Variants in LTBP2 observed in about 807,000 individuals in gnomAD.
LTBP2 encodes latent transforming growth factor beta binding protein 2, also known as latent-transforming growth factor beta-binding protein 2.
In LTBP2, 103 loss-of-function variants were observed where a neutral mutation model predicts 210.6. That is an observed-to-expected ratio of 0.49 (90% CI 0.42 to 0.58). The LOEUF (loss-of-function observed/expected upper bound fraction) is 0.58, where lower values mean the gene tolerates loss of function less well. Among genes scored for constraint, LTBP2 ranks in the 20% least tolerant of loss-of-function variants. The pLI is 0.00. For missense variants in LTBP2, 2,313 were observed against 2,494.5 expected, an observed-to-expected ratio of 0.93 and a Z score of 1.55; for synonymous variants, 1,007 against 1,015.0, an observed-to-expected ratio of 0.99 and a Z score of 0.15.
At chr14:74,575,979 A>C (rs1385554664) in intron 3 of LTBP2, among the ~76,000 whole-genome samples, 1 of 152,206 alleles carries the variant, frequency 6.6e-6, no homozygotes, top group Admixed American at 6.5e-5. Context: ...CTAAGGCCCA[A>C]GAGATGGAAG....
intron 21 of LTBP2, 45 bp downstream of exon 21, chr14:74,509,689 C>G (rs769158875): frequency 8.1e-6 from 13 of 1,613,348 alleles, no homozygotes; most frequent in Admixed American, 1.7e-5. Flanking sequence ...GGAGGTAAGA[C>G]AGCCTATATT....
At chr14:74,510,630 G>C (rs1032394651) in intron 19 of LTBP2, among the ~76,000 whole-genome samples, 1 of 152,226 alleles carries the variant, frequency 6.6e-6, no homozygotes, top group Non-Finnish European at 1.5e-5. Flanking sequence ...GCGGGTGGGC[G>C]GGCAGCGTGG....
At chr14:74,549,413 C>T (rs2087619358) in intron 8 of LTBP2, among the ~76,000 whole-genome samples, 2 of 152,196 alleles carry the variant, frequency 1.3e-5, no homozygotes, top group Non-Finnish European at 2.9e-5. Flanking sequence ...ATGAGGACAT[C>T]TAGGACAGAC....
chr14:74,573,306 C>T (rs975566617), intron 3 of LTBP2, among the ~76,000 whole-genome samples: 5 of 152,226 alleles, frequency 3.3e-5, no homozygotes, highest in African/African-American at 9.7e-5. Flanking sequence ...CTCACAGGGT[C>T]ATGGCAAGGA....
At chr14:74,589,769 C>A (rs1402280944) in intron 2 of LTBP2, among the ~76,000 whole-genome samples, 1 of 152,220 alleles carries the variant, frequency 6.6e-6, no homozygotes, top group Non-Finnish European at 1.5e-5. Context: ...GTGCCCAGGG[C>A]AGGTCTCGGC....
At chr14:74,596,677 C>T (rs986278202) in intron 2 of LTBP2, among the ~76,000 whole-genome samples, 2 of 152,128 alleles carry the variant, frequency 1.3e-5, no homozygotes, top group African/African-American at 2.4e-5. Flanking sequence ...GGCAGGTCCA[C>T]GAGGGACTGA....
At chr14:74,585,119 A>G (rs558274401) in intron 3 of LTBP2, among the ~76,000 whole-genome samples, 6 of 152,358 alleles carry the variant, frequency 3.9e-5, no homozygotes, top group African/African-American at 1.4e-4. Flanking sequence ...CCTGAGCTAG[A>G]AAAAGTCTAG....
At chr14:74,522,410 T>TC (rs569836377) in intron 16 of LTBP2, among the ~76,000 whole-genome samples, 127 of 152,060 alleles carry the variant, frequency 8.4e-4, no homozygotes, top group South Asian at 2.7e-3. Context: ...GCCTCAGACC[T>TC]CCCCCTACGG....
chr14:74,611,731 A>G lies in LTBP2; in HGVS notation c.214T>C (p.Phe72Leu). ...AAAAAKVYSL[F>L]REQDAPVAGL... ...GCGACAGGCGCGTCCTGCTCCCGGA[A>G]CAGACTGTACACCTTGGCTGCAGCC... is the stretch of plus-strand genomic sequence containing the variant. The change falls in exon 1 of 36, where the codon TTC becomes CTC. Residue 72 changes from phenylalanine (F) to leucine (L), a missense_variant. Physicochemically the swap from Phe to Leu is conservative, Grantham distance 22 (BLOSUM62 0). Coordinates refer to ENST00000261978, the MANE Select transcript of LTBP2 (RefSeq NM_000428.3). 2.5e-6 allele frequency: 4 copies of G among 1,601,920 alleles called. No individual in the cohort carries two copies. Among genetic ancestry groups the G allele is most frequent in the Non-Finnish European group, 3.4e-6 (4 of 1,178,314 alleles).
At chr14:74,556,569 T>G (rs1449060760) in intron 3 of LTBP2, among the ~76,000 whole-genome samples, 1 of 152,244 alleles carries the variant, frequency 6.6e-6, no homozygotes, top group Admixed American at 6.5e-5. Context: ...CAAGCTGGAG[T>G]GCAATGGCGC....
intron 2 of LTBP2, among the ~76,000 whole-genome samples, chr14:74,589,865 A>G (rs1198135686): frequency 2.0e-5 from 3 of 152,070 alleles, no homozygotes; most frequent in African/African-American, 7.2e-5. Flanking sequence ...ACAGAGACCC[A>G]AAGCCCGGCG....
At chr14:74,572,310 TGTGTGTGTGTGTGAGAGA>T (rs1275614042) in intron 3 of LTBP2, among the ~76,000 whole-genome samples, 9 of 127,170 alleles carry the variant, frequency 7.1e-5, no homozygotes, top group Admixed American at 8.0e-5. Context: ...TGTGTGTCTG[TGTGTGTGTGTGTGAGAGA>T]GAGAGAGAGA....
At chr14:74,574,302 C>G (rs2088026130) in intron 3 of LTBP2, among the ~76,000 whole-genome samples, 1 of 152,204 alleles carries the variant, frequency 6.6e-6, no homozygotes, top group Admixed American at 6.5e-5. Context: ...ACCCAAACTT[C>G]CGCCATGGTA....
At chr14:74,571,468 C>G (rs776648202) in intron 3 of LTBP2, among the ~76,000 whole-genome samples, 11 of 152,232 alleles carry the variant, frequency 7.2e-5, no homozygotes, top group Non-Finnish European at 1.0e-4. Context: ...GATGAGAACA[C>G]TGAAGCTCAC....
intron 8 of LTBP2, among the ~76,000 whole-genome samples, chr14:74,540,362 A>G (rs1454348385): frequency 6.6e-6 from 1 of 151,966 alleles, no homozygotes; most frequent in Non-Finnish European, 1.5e-5. Context: ...GGTCCTCGCT[A>G]CTCAGGAGGC....
intron 3 of LTBP2, among the ~76,000 whole-genome samples, chr14:74,570,158 CTT>C (rs1339242850): frequency 6.6e-6 from 1 of 152,074 alleles, no homozygotes; most frequent in Non-Finnish European, 1.5e-5. Flanking sequence ...AGCTAGGACT[CTT>C]TCCCAAAGCC....
At chr14:74,504,436 G>T (rs1348288746) in intron 30 of LTBP2, among the ~76,000 whole-genome samples, 1 of 152,240 alleles carries the variant, frequency 6.6e-6, no homozygotes, top group Non-Finnish European at 1.5e-5. Flanking sequence ...TGCGGCCAGG[G>T]AGATGAGCGC....
intron 18 of LTBP2, among the ~76,000 whole-genome samples, chr14:74,516,370 T>C (rs111723008): frequency 0.019 from 592 of 30,970 alleles, 7 homozygotes; most frequent in Non-Finnish European, 0.018. Flanking sequence ...CTCCCTTCCT[T>C]CCTTCCTTCC....
Position 74,508,093 on chromosome 14 carries a change from C to T in LTBP2, c.3655G>A (p.Val1219Met). 6.2e-7 allele frequency: 1 copy of T among 1,613,794 alleles called. No homozygotes were observed. The highest frequency in any genetic ancestry group is 1.3e-5 in the African/African-American group (1 of 75,062). ...SAEGGTSCQD[V>M]DECATTDPCV... ...GGGTCTGTGGTGGCACACTCGTCCA[C>T]ATCTAGAGTAGAGATGGCTGTCAGC... The change falls in exon 25 of 36, where the codon GTG becomes ATG. Residue 1219 changes from valine to methionine, a missense_variant and splice_region_variant. This residue lies in a region of LTBP2 where 1,867 missense variants were observed against 1,976.9 expected (regional missense o/e 0.94). Coordinates refer to ENST00000261978, the MANE Select transcript of LTBP2 (RefSeq NM_000428.3).
Sources: gnomAD v4.1 joint callset for allele counts (sites outside exome capture counted in the v4.1 genomes callset) on GRCh38, gnomAD v4.1.1 for gene constraint, gnomAD v4.1.1 regional missense constraint, MANE v1.5 for transcripts, NCBI Gene and HGNC (gene_info 2026-07-23, HGNC 2026-07-21) for gene names.